Variants in POGLUT3 observed in about 807,000 individuals in gnomAD.
POGLUT3 encodes protein O-glucosyltransferase 3.
Under a neutral mutation model 54.3 loss-of-function variants are expected in POGLUT3, and 48 were observed. The observed-to-expected ratio is 0.88, with a 90% CI of 0.70 to 1.12. The LOEUF is 1.12. Among genes scored for constraint, POGLUT3 ranks in the 50% most tolerant of loss-of-function variants. POGLUT3 has a pLI of 0.00. For synonymous variants in POGLUT3, 218 were observed against 237.4 expected, an observed-to-expected ratio of 0.92 and a Z score of 0.75; for missense variants, 629 against 618.7, an observed-to-expected ratio of 1.02 and a Z score of -0.18.
At chr11:108,480,895 C>CAAA (rs146910035) in intron 5 of POGLUT3, among the ~76,000 whole-genome samples, 1 of 130,580 alleles carries the variant, frequency 7.7e-6, no homozygotes, top group African/African-American at 3.0e-5. Context: ...AAAGCAAATA[C>CAAA]AAAAAAAAAA....
chr11:108,485,657 T>TTTA (rs2093601924), intron 3 of POGLUT3, among the ~76,000 whole-genome samples: 1 of 150,684 alleles, frequency 6.6e-6, no homozygotes. Context: ...TATTTATTTA[T>TTTA]TTATTTATTT....
At chr11:108,490,211 T>A (rs1358143361) in intron 2 of POGLUT3, among the ~76,000 whole-genome samples, 1 of 152,096 alleles carries the variant, frequency 6.6e-6, no homozygotes, top group Non-Finnish European at 1.5e-5. Context: ...AGTGAGCTTT[T>A]TTTTGAGATG....
At position 108,479,381 on chromosome 11, in the gene POGLUT3, T is replaced by G; in HGVS notation, c.1213A>C (p.Met405Leu). The G allele has an allele frequency of 6.2e-7, 1 of 1,613,056 alleles. No individual in the cohort carries two copies. Among genetic ancestry groups the G allele is most frequent in the East Asian group, 2.2e-5 (1 of 44,812 alleles). ...QDSPYYEHFYMALEPWKHYVP... is the reference protein window; with the variant it reads ...QDSPYYEHFYLALEPWKHYVP... ...TAATGCTTCCAAGGTTCTAGTGCCA[T>G]GTAGAAATGTTCATAATATGGCGAG... Residue 405 changes from methionine (M) to leucine (L), a missense_variant, in exon 6 of 8, where the codon ATG becomes CTG. Transcript: ENST00000323468.
chr11:108,482,121 C>G lies in POGLUT3; in HGVS notation c.786G>C (p.Trp262Cys), dbSNP rs202242272. 3 of 1,613,952 alleles carry G rather than the reference C, an allele frequency of 1.9e-6. No homozygotes were observed. Among genetic ancestry groups the G allele is most frequent in the Non-Finnish European group, 1.7e-6 (2 of 1,179,974 alleles). Residue 262 changes from tryptophan (W) to cysteine (C), a missense_variant, in exon 4 of 8, where the codon TGG (tryptophan) becomes TGC (cysteine). Physicochemically the swap from Trp to Cys is radical, Grantham distance 215. Coordinates refer to ENST00000323468, the MANE Select transcript of POGLUT3 (RefSeq NM_153705.5). ...CATCTCTTGAATCCAGAGAGCCACACCATGAAATGATAGGTATGGGGCTAG... is the reference window on the plus strand; with the variant it reads ...CATCTCTTGAATCCAGAGAGCCACAGCATGAAATGATAGGTATGGGGCTAG... ...GTPSPIPIISWCGSLDSRDVV... is the reference protein window; with the variant it reads ...GTPSPIPIISCCGSLDSRDVV...
chr11:108,491,058 A>G lies in POGLUT3; in HGVS notation c.312T>C (p.Tyr104=), dbSNP rs2093612258. The G allele has an allele frequency of 6.2e-7, 1 of 1,614,044 alleles. No homozygotes were observed. Among genetic ancestry groups the G allele is most frequent in the South Asian group, 1.1e-5 (1 of 91,080 alleles). Reference sequence around the variant, plus strand: ...CTTCATCGACAGTTTCATACATCCTATATCTCATCAAAAATGTTCCATCAT... The same window carrying G: ...CTTCATCGACAGTTTCATACATCCTGTATCTCATCAAAAATGTTCCATCAT... ...DRNDGTFLMR[Y]RMYETVDEGL... The change falls in exon 2 of 8, where the codon TAT becomes TAC. Residue 104 remains tyrosine, a synonymous_variant. Coordinates refer to ENST00000323468, the MANE Select transcript of POGLUT3 (RefSeq NM_153705.5).
intron 7 of POGLUT3, among the ~76,000 whole-genome samples, chr11:108,475,477 T>G (rs943495577): frequency 4.7e-5 from 7 of 147,820 alleles, no homozygotes; most frequent in Admixed American, 2.0e-4. Flanking sequence ...TTGTTTTTTT[T>G]TTTTTTTGAG....
chr11:108,490,574 A>G (rs1419477368), intron 2 of POGLUT3, among the ~76,000 whole-genome samples: 2 of 152,178 alleles, frequency 1.3e-5, no homozygotes, highest in East Asian at 3.9e-4. Context: ...AAGTAAACAA[A>G]AAACAAATCA....
At chr11:108,491,487 T>C (rs1041073356) in intron 1 of POGLUT3, 3 of 465,452 alleles carry the variant, frequency 6.4e-6, no homozygotes, top group Non-Finnish European at 1.1e-5. Flanking sequence ...ATCAGCCCCA[T>C]GAGTAGCTGG....
At chr11:108,494,649 AC>A (rs1400355085) in intron 1 of POGLUT3, among the ~76,000 whole-genome samples, 1 of 152,210 alleles carries the variant, frequency 6.6e-6, no homozygotes, top group African/African-American at 2.4e-5. Flanking sequence ...ATTTTGGAGG[AC>A]AAATTAAGCA....
rs901251925 is a variant in POGLUT3 at position 108,481,178 on chromosome 11, A to G, written c.1098+2T>C. On this transcript the variant is annotated splice_donor_variant, in intron 5 of 7. Coordinates refer to ENST00000323468, the MANE Select transcript of POGLUT3 (RefSeq NM_153705.5). LOFTEE classifies it high-confidence loss of function. ...TCCATAGAAGAAGACTCAAATGCAT[A>G]CCTTAAAGAAATCAAAGAAACCCAT... 2.5e-6 allele frequency: 4 copies of G among 1,597,684 alleles called. No homozygotes were observed. Among genetic ancestry groups the G allele is most frequent in the Admixed American group, 1.8e-5 (1 of 56,150 alleles).
chr11:108,479,590 T>A, intron 5 of POGLUT3, 95 bp from the exon 6 acceptor site: 1 of 828,428 alleles, frequency 1.2e-6, no homozygotes, highest in Non-Finnish European at 1.7e-6. Flanking sequence ...ACAGAGGAAT[T>A]ATTTTCCATT....
intron 3 of POGLUT3, among the ~76,000 whole-genome samples, chr11:108,482,465 T>C (rs999892605): frequency 2.0e-5 from 3 of 151,924 alleles, no homozygotes; most frequent in Admixed American, 2.0e-4. Context: ...TAAAATTCAG[T>C]GTTTGAGGCT....
chr11:108,478,027 TA>T, intron 6 of POGLUT3: 1 of 282,392 alleles, frequency 3.5e-6, no homozygotes, highest in Non-Finnish European at 6.7e-6. Flanking sequence ...CGGGTACCTG[TA>T]ATCCCAGCTA....
chr11:108,492,716 A>T lies in POGLUT3; in HGVS notation c.203-1549T>A, dbSNP rs79294272. Among the ~76,000 whole-genome samples, 1,375 of 152,300 alleles carry T rather than the reference A, an allele frequency of 9.0e-3. 19 individuals carry two copies. Among genetic ancestry groups the T allele is most frequent in the African/African-American group, 0.031 (1,288 of 41,548 alleles). ...GAGTACCAAACATATACATTTTAGG[A>T]TCCTTGAAACAAGTATGATAAAATT... On this transcript the variant is annotated intron_variant, in intron 1 of 7. Transcript: ENST00000323468.
At position 108,474,895 on chromosome 11, in the gene POGLUT3, G is replaced by A. The variant is rs200020105; in HGVS notation, c.1456C>T (p.Pro486Ser). 467 of 1,614,082 alleles carry A rather than the reference G, an allele frequency of 2.9e-4. 1 individual carries two copies. The highest frequency in any genetic ancestry group is 1.8e-3 in the Middle Eastern group (11 of 6,046). The change falls in exon 8 of 8, where the codon CCT becomes TCT. Residue 486 changes from proline to serine, a missense_variant. By Grantham distance (74) the Pro-to-Ser change is moderately conservative (BLOSUM62 -1). Transcript: ENST00000323468. ...ATGGCTGTGCTATCTTCTGGCTGAG[G>A]AACAAGTTCCATTCCATCACGTACT... ...PEVRDGMELVPQPEDSTAICQ... is the reference protein window; with the variant it reads ...PEVRDGMELVSQPEDSTAICQ...
At chr11:108,476,428 C>G (rs766197841) in intron 7 of POGLUT3, among the ~76,000 whole-genome samples, 1 of 152,006 alleles carries the variant, frequency 6.6e-6, no homozygotes, top group African/African-American at 2.4e-5. Flanking sequence ...CCACTGCACC[C>G]GGCCAAGAAA....
At chr11:108,489,560 T>C (rs1380131005) in intron 2 of POGLUT3, among the ~76,000 whole-genome samples, 2 of 152,254 alleles carry the variant, frequency 1.3e-5, no homozygotes, top group East Asian at 3.9e-4. Context: ...AACCACATCT[T>C]TAAAGTATCA....
Position 108,474,651 on chromosome 11 carries a change from C to T in POGLUT3, c.*176G>A. On this transcript the variant is annotated 3_prime_UTR_variant, in exon 8 of 8. Coordinates refer to ENST00000323468, the MANE Select transcript of POGLUT3 (RefSeq NM_153705.5). ...ATCTGAAGCCTGAAACACTCCTGGT[C>T]CTAAGCATTTCAGATGAGGGATACT... The T allele has an allele frequency of 1.8e-6, 1 of 543,668 alleles. No individual in the cohort carries two copies. Among genetic ancestry groups the T allele is most frequent in the Non-Finnish European group, 3.1e-6 (1 of 323,682 alleles). 33.7% of individuals were successfully genotyped at this position (543,668 alleles called of 1,614,324 possible). A position where few individuals can be genotyped will look rare whatever the true frequency, so the allele number is the denominator to read the frequency against.
At chr11:108,478,327 T>G (rs11822385) in intron 6 of POGLUT3, among the ~76,000 whole-genome samples, 7,463 of 152,154 alleles carry the variant, frequency 0.049, 628 homozygotes, top group African/African-American at 0.17. Flanking sequence ...ACAACCCACA[T>G]GCAGCCCCTA....
Sources: gnomAD v4.1 joint callset for allele counts (sites outside exome capture counted in the v4.1 genomes callset) on GRCh38, gnomAD v4.1.1 for gene constraint, MANE v1.5 for transcripts, NCBI Gene and HGNC (gene_info 2026-07-23, HGNC 2026-07-21) for gene names.